Variants in SCN8A observed in about 807,000 individuals in gnomAD.
The protein encoded by SCN8A is sodium channel protein type 8 subunit alpha.
SCN8A carries 30 observed loss-of-function variants against 184.1 expected under a neutral mutation model. The ratio of observed to expected loss-of-function variants is 0.16; its 90% CI spans 0.12 to 0.22. SCN8A has a LOEUF of 0.22. Ranked by LOEUF, SCN8A falls within the 10% of genes least tolerant of loss-of-function variation. The pLI, the probability that SCN8A is intolerant of heterozygous loss-of-function variation, is 1.00. For synonymous variants in SCN8A, 852 were observed against 907.0 expected, an observed-to-expected ratio of 0.94 and a Z score of 1.09; for missense variants, 1,057 against 2,498.9, an observed-to-expected ratio of 0.42 and a Z score of 12.30.
intron 1 of SCN8A, among the ~76,000 whole-genome samples, chr12:51,657,741 A>G (rs1940850184): frequency 6.6e-6 from 1 of 152,066 alleles, no homozygotes; most frequent in South Asian, 2.1e-4. Flanking sequence ...GTTTTCTTCT[A>G]GTAGTTTCAT....
chr12:51,645,476 C>T (rs4375480), intron 1 of SCN8A, among the ~76,000 whole-genome samples: 105,815 of 150,398 alleles, frequency 0.7, 39,282 homozygotes, highest in East Asian at 0.86. Flanking sequence ...TCATTGAGAA[C>T]GGGCCATGAT....
At chr12:51,639,697 T>C (rs1440322860) in intron 1 of SCN8A, among the ~76,000 whole-genome samples, 1 of 152,006 alleles carries the variant, frequency 6.6e-6, no homozygotes, top group Non-Finnish European at 1.5e-5. Flanking sequence ...GTTGTCTTAT[T>C]TTAAGAAATT....
intron 12 of SCN8A, among the ~76,000 whole-genome samples, chr12:51,741,515 G>C (rs1304971452): frequency 6.6e-6 from 1 of 151,834 alleles, no homozygotes; most frequent in Non-Finnish European, 1.5e-5. Flanking sequence ...TTTGTTTTCT[G>C]GTTGTTTTGC....
At chr12:51,800,314 G>C (rs1938521684) in intron 26 of SCN8A, among the ~76,000 whole-genome samples, 1 of 152,200 alleles carries the variant, frequency 6.6e-6, no homozygotes, top group Admixed American at 6.5e-5. Context: ...TCACCACTTG[G>C]TTCAGCTTAT....
At chr12:51,759,641 A>G (rs1942733296) in intron 14 of SCN8A, among the ~76,000 whole-genome samples, 1 of 152,222 alleles carries the variant, frequency 6.6e-6, no homozygotes, top group Admixed American at 6.5e-5. Context: ...AGAGCGGACC[A>G]TGTGCTTCCT....
At chr12:51,669,652 C>A (rs1002655319) in intron 2 of SCN8A, among the ~76,000 whole-genome samples, 1 of 152,166 alleles carries the variant, frequency 6.6e-6, no homozygotes, top group South Asian at 2.1e-4. Flanking sequence ...TTTTAAAACA[C>A]ATTAGGATCT....
At chr12:51,758,780 G>A (rs1942718004) in intron 14 of SCN8A, among the ~76,000 whole-genome samples, 1 of 152,038 alleles carries the variant, frequency 6.6e-6, no homozygotes, top group South Asian at 2.1e-4. Context: ...CTCTTTTTCT[G>A]TTTCTACATT....
chr12:51,714,269 T>G (rs1941929792), intron 11 of SCN8A, among the ~76,000 whole-genome samples: 1 of 152,248 alleles, frequency 6.6e-6, no homozygotes. Context: ...ACAGTAACTT[T>G]GTACTCTGTT....
chr12:51,735,979 C>G (rs1430081348), intron 12 of SCN8A, among the ~76,000 whole-genome samples: 1 of 152,230 alleles, frequency 6.6e-6, no homozygotes, highest in Non-Finnish European at 1.5e-5. Flanking sequence ...TGCTGTTCAG[C>G]TGCTGATAGC....
At chr12:51,803,301 C>T (rs927886036) in intron 26 of SCN8A, among the ~76,000 whole-genome samples, 6 of 152,050 alleles carry the variant, frequency 3.9e-5, no homozygotes, top group Non-Finnish European at 7.4e-5. Context: ...CCGGAAGACT[C>T]AGCAAGTCAG....
intron 1 of SCN8A, among the ~76,000 whole-genome samples, chr12:51,646,702 G>C (rs1225454948): frequency 1.3e-5 from 2 of 152,142 alleles, no homozygotes; most frequent in African/African-American, 2.4e-5. Flanking sequence ...GACTACAAAG[G>C]GTTTTCTGTT....
At chr12:51,766,284 G>T (rs941150807) in intron 16 of SCN8A, 4 of 534,208 alleles carry the variant, frequency 7.5e-6, no homozygotes, top group South Asian at 7.1e-5. Context: ...GCAAAATTAA[G>T]TGACTTTCCC....
chr12:51,632,458 T>G (rs1474488408), intron 1 of SCN8A, among the ~76,000 whole-genome samples: 1 of 152,160 alleles, frequency 6.6e-6, no homozygotes, highest in Non-Finnish European at 1.5e-5. Flanking sequence ...CTCCCCTCCC[T>G]TGTGGCTGTA....
At chr12:51,606,529 C>T (rs971329363) in intron 1 of SCN8A, among the ~76,000 whole-genome samples, 7 of 152,106 alleles carry the variant, frequency 4.6e-5, no homozygotes, top group African/African-American at 7.2e-5. Flanking sequence ...TATGATGCCT[C>T]CAGATTTGTT....
At chr12:51,724,849 TTTTG>T (rs1311459492) in intron 12 of SCN8A, among the ~76,000 whole-genome samples, 2 of 151,958 alleles carry the variant, frequency 1.3e-5, no homozygotes, top group Non-Finnish European at 2.9e-5. Context: ...GGTTTAGGGG[TTTTG>T]TTTTTGTTTT....
At chr12:51,735,636 T>C (rs1347297630) in intron 12 of SCN8A, among the ~76,000 whole-genome samples, 1 of 152,212 alleles carries the variant, frequency 6.6e-6, no homozygotes, top group Non-Finnish European at 1.5e-5. Flanking sequence ...TCTTCCTCCA[T>C]CTCTGACAGC....
At chr12:51,785,767 A>G (rs898593987) in intron 21 of SCN8A, among the ~76,000 whole-genome samples, 1 of 152,132 alleles carries the variant, frequency 6.6e-6, no homozygotes, top group Admixed American at 6.5e-5. Flanking sequence ...AACTCTCTTA[A>G]AAACCTTAAG....
At position 51,794,400 on chromosome 12, in the gene SCN8A, T is replaced by C; in HGVS notation, c.4554T>C (p.Phe1518=). ...LNKIQGIVFD[F]VTQQAFDIVI... The stretch of plus-strand genomic sequence containing the variant: ...AAATCCAAGGAATCGTCTTTGATTT[T>C]GTCACTCAGCAAGCCTTTGACATTG... Residue 1518 remains phenylalanine (F), a synonymous_variant, in exon 26 of 27, where the codon TTT becomes TTC. Coordinates refer to ENST00000627620, the MANE Select transcript of SCN8A (RefSeq NM_001330260.2). 5.0e-6 allele frequency: 8 copies of C among 1,612,154 alleles called. No individual in the cohort carries two copies. Among genetic ancestry groups the C allele is most frequent in the Non-Finnish European group, 6.8e-6 (8 of 1,178,398 alleles).
chr12:51,626,309 T>C (rs908326004), intron 1 of SCN8A, among the ~76,000 whole-genome samples: 1 of 151,962 alleles, frequency 6.6e-6, no homozygotes, highest in Admixed American at 6.6e-5. Flanking sequence ...TCTCGGGAGG[T>C]TTAAACAACT....
Sources: allele counts gnomAD v4.1 joint callset (sites outside exome capture counted in the v4.1 genomes callset), GRCh38; gene constraint gnomAD v4.1.1; transcripts MANE v1.5; gene names NCBI Gene and HGNC (gene_info 2026-07-23, HGNC 2026-07-21).